Variants in LRRC53 observed in about 807,000 individuals in gnomAD.
LRRC53 encodes the protein leucine-rich repeat-containing protein 53.
A neutral mutation model predicts 13.6 loss-of-function variants in LRRC53; 25 were observed. The observed-to-expected ratio is 1.83, with a 90% CI of 1.34 to 2.56. The LOEUF (loss-of-function observed/expected upper bound fraction) is 2.56, where lower values mean the gene tolerates loss of function less well. Among genes scored for constraint, LRRC53 ranks in the 30% most tolerant of loss-of-function variants. LRRC53 has a pLI of 0.00. For synonymous variants in LRRC53, 204 were observed against 109.8 expected (o/e 1.86, Z -5.37); for missense variants, 527 against 275.8 (o/e 1.91, Z -6.45).
chr1:74,486,283 G>T (rs562488475), intron 1 of LRRC53, among the ~76,000 whole-genome samples: 286 of 148,532 alleles, frequency 1.9e-3, no homozygotes, highest in Non-Finnish European at 3.2e-3. Context: ...TCCCCTCCAG[G>T]ATCTACTTGC....
At chr1:74,520,678 T>C in the LRRC53 span, among the ~76,000 whole-genome samples, 1 of 152,106 alleles carries the variant, frequency 6.6e-6, no homozygotes, top group Non-Finnish European at 1.5e-5. Context: ...CTTCCATTTT[T>C]AAGACACTGA....
intron 1 of LRRC53, among the ~76,000 whole-genome samples, chr1:74,501,474 G>GTT (rs75296086): frequency 6.7e-6 from 1 of 149,820 alleles, no homozygotes; most frequent in Admixed American, 6.7e-5. Context: ...TTTTTGTTTT[G>GTT]TGTTTGTTTG....
At chr1:74,520,382 C>G in the LRRC53 span, among the ~76,000 whole-genome samples, 1 of 152,024 alleles carries the variant, frequency 6.6e-6, no homozygotes, top group Admixed American at 6.6e-5. Flanking sequence ...GTTCCACCAC[C>G]TTTCTTCCTC....
chr1:74,513,132 A>G (rs1354770248), upstream of LRRC53, among the ~76,000 whole-genome samples: 1 of 152,200 alleles, frequency 6.6e-6, no homozygotes, highest in East Asian at 1.9e-4. Flanking sequence ...ATACTGTTTC[A>G]CTGGCCTGAG....
the LRRC53 span, among the ~76,000 whole-genome samples, chr1:74,533,342 C>T: frequency 6.6e-6 from 1 of 152,140 alleles, no homozygotes; most frequent in Non-Finnish European, 1.5e-5. Flanking sequence ...CAGAGAAATG[C>T]AAATCAAAAC....
At chr1:74,484,212 TAAA>T (rs36109808) in intron 1 of LRRC53, among the ~76,000 whole-genome samples, 1 of 144,682 alleles carries the variant, frequency 6.9e-6, no homozygotes, top group African/African-American at 2.5e-5. Context: ...CCTGGTTGAT[TAAA>T]AAAAAAAAAA....
Position 74,491,726 on chromosome 1 carries a change from A to T in LRRC53, c.-26-8351T>A, listed in dbSNP as rs533774102. Reference sequence around the variant, plus strand: ...AATTTCATGTAAAGGGAATAATTTTAGCTATGATTTAAAGGAACTCTGCCA... The same window carrying T: ...AATTTCATGTAAAGGGAATAATTTTTGCTATGATTTAAAGGAACTCTGCCA... On this transcript the variant is annotated intron_variant, in intron 1 of 4. Transcript: ENST00000294635. Among the ~76,000 whole-genome samples, 20 of 152,364 alleles carry T rather than the reference A, an allele frequency of 1.3e-4. 1 individual carries two copies. In the South Asian group the frequency reaches 4.1e-3, roughly 32 times the overall value.
the LRRC53 span, among the ~76,000 whole-genome samples, chr1:74,524,098 G>A: frequency 6.6e-6 from 1 of 152,198 alleles, no homozygotes; most frequent in South Asian, 2.1e-4. Flanking sequence ...CCTAACTGTG[G>A]CCAGCCACAA....
chr1:74,505,275 G>A (rs190542882), intron 1 of LRRC53, among the ~76,000 whole-genome samples: 70 of 152,232 alleles, frequency 4.6e-4, no homozygotes, highest in Admixed American at 1.6e-3. Context: ...GAGAACAACC[G>A]GCCTAATTAA....
intron 1 of LRRC53, among the ~76,000 whole-genome samples, 182 bp downstream of exon 1, chr1:74,512,344 A>G (rs1670272047): frequency 6.6e-6 from 1 of 152,302 alleles, no homozygotes; most frequent in African/African-American, 2.4e-5. Context: ...AAAACAGGCA[A>G]CACTGCAGGG....
rs1341300214 is a variant in LRRC53 at position 74,475,577 on chromosome 1, G to A, written c.1138C>T (p.Gln380Ter). The A allele has an allele frequency of 1.4e-5, 10 of 717,244 alleles. 1 individual carries two copies. The highest frequency in any genetic ancestry group is 5.2e-5 in the African/African-American group (3 of 57,200). 44.4% of individuals were successfully genotyped at this position (717,244 alleles called of 1,614,324 possible). Reference sequence around the variant, plus strand: ...GATGTTGCTTGATGGCTATTTTCCTGTAAAAGTGGCATTTCTTTTCTGGAC... The same window carrying A: ...GATGTTGCTTGATGGCTATTTTCCTATAAAAGTGGCATTTCTTTTCTGGAC... ...VGSRKEMPLL[Q>*]ENSHQATSAS... Residue 380 changes from glutamine to a stop codon, truncating the protein, a stop_gained, in exon 4 of 5, where the codon CAG (glutamine) becomes TAG (stop). Coordinates refer to ENST00000294635, the MANE Select transcript of LRRC53 (RefSeq NM_001382280.1). LOFTEE classifies it high-confidence loss of function.
chr1:74,515,525 T>A (rs1646337231), upstream of LRRC53, among the ~76,000 whole-genome samples: 1 of 152,186 alleles, frequency 6.6e-6, no homozygotes, highest in South Asian at 2.1e-4. Context: ...TGATGGTTGC[T>A]GTTGGCAACC....
chr1:74,507,223 A>ACG (rs1669949998), intron 1 of LRRC53, among the ~76,000 whole-genome samples: 1 of 120,328 alleles, frequency 8.3e-6, no homozygotes, highest in Admixed American at 9.2e-5. Context: ...AAATTTCTTC[A>ACG]CCCCCCCCCC....
At chr1:74,536,670 A>T in the LRRC53 span, among the ~76,000 whole-genome samples, 2 of 152,102 alleles carry the variant, frequency 1.3e-5, no homozygotes, top group Admixed American at 1.3e-4. Flanking sequence ...ACATCCACAA[A>T]ATTACCCATA....
In LRRC53 at chr1:74,480,259, C is replaced by A; in HGVS notation, c.798G>T (p.Glu266Asp). ...TGGGAGCTTTGGAATCACAGTTGGT[C>A]TCAGACAGCCTCAGCACACTCTGTG... is the stretch of plus-strand genomic sequence containing the variant. ...AAAQSVLRLS[E>D]TNCDSKAPNF... Residue 266 changes from glutamate to aspartate, a missense_variant, in exon 3 of 5, where the codon GAG becomes GAT. Transcript: ENST00000294635. 1 of 717,534 alleles carries A rather than the reference C, an allele frequency of 1.4e-6. No individual in the cohort carries two copies. Among genetic ancestry groups the A allele is most frequent in the South Asian group, 1.5e-5 (1 of 67,596 alleles). 44.4% of individuals were successfully genotyped at this position (717,534 alleles called of 1,614,324 possible).
Position 74,480,868 on chromosome 1 carries a change from G to C in LRRC53, c.189C>G (p.Ser63=), listed in dbSNP as rs1160461058. 1.4e-6 allele frequency: 1 copy of C among 717,426 alleles called. No homozygotes were observed. Among genetic ancestry groups the C allele is most frequent in the South Asian group, 1.5e-5 (1 of 67,600 alleles). 44.4% of individuals were successfully genotyped at this position (717,426 alleles called of 1,614,324 possible). Residue 63 remains serine (S), a synonymous_variant, in exon 3 of 5, where the codon TCC becomes TCG. Transcript: ENST00000294635. The part of the protein sequence containing the change: ...LSLLFNLALL[S]LSRNGIEDVQ... ...CATCCTCGATACCATTTCTGCTTAG[G>C]GAGAGCAGGGCAAGATTAAACAAGA...
chr1:74,478,847 ACTTATGTCTTTTATGGTAAATTATTT>A (rs1341184642), intron 3 of LRRC53, among the ~76,000 whole-genome samples: 19 of 152,292 alleles, frequency 1.2e-4, no homozygotes, highest in African/African-American at 4.6e-4. Context: ...CTGCCCTATC[ACTTATGTCTTTTATGGTAAATTATTT>A]CTTAGCACAT....
At chr1:74,514,204 A>G (rs1044404305), upstream of LRRC53, among the ~76,000 whole-genome samples, 2 of 152,210 alleles carry the variant, frequency 1.3e-5, no homozygotes, top group Non-Finnish European at 2.9e-5. Flanking sequence ...TATTTTCACA[A>G]TCAAGTATAA....
At chr1:74,483,775 T>C (rs1343825768) in intron 1 of LRRC53, among the ~76,000 whole-genome samples, 1 of 152,150 alleles carries the variant, frequency 6.6e-6, no homozygotes, top group African/African-American at 2.4e-5. Flanking sequence ...CGGGTAGGTA[T>C]TTAACCAAGT....
Sources: allele counts gnomAD v4.1 joint callset (sites outside exome capture counted in the v4.1 genomes callset), GRCh38; gene constraint gnomAD v4.1.1; transcripts MANE v1.5; gene names NCBI Gene and HGNC (gene_info 2026-07-23, HGNC 2026-07-21).